The following WWOX variants were observed in gnomAD, a reference collection of about 807,000 sequenced individuals.
The protein encoded by WWOX is WW domain containing oxidoreductase.
WWOX carries 69 observed loss-of-function variants against 46.2 expected under a neutral mutation model. That is an observed-to-expected ratio of 1.49 (90% CI 1.23 to 1.82). The LOEUF (loss-of-function observed/expected upper bound fraction) is 1.82. Ranked by LOEUF, WWOX falls within the 40% of genes most tolerant of loss-of-function variation. WWOX has a pLI of 0.00. For missense variants in WWOX, 919 were observed against 542.6 expected (o/e 1.69, Z -6.89); for synonymous variants, 359 against 202.6 (o/e 1.77, Z -6.56).
At chr16:78,795,288 C>G (rs951485328) in intron 8 of WWOX, among the ~76,000 whole-genome samples, 6 of 152,140 alleles carry the variant, frequency 3.9e-5, no homozygotes, top group African/African-American at 1.2e-4. Context: ...ATAATTTACT[C>G]AGGATTTTAA....
intron 8 of WWOX, among the ~76,000 whole-genome samples, chr16:78,597,554 G>C (rs1449590549): frequency 1.3e-5 from 2 of 152,112 alleles, no homozygotes; most frequent in East Asian, 1.9e-4. Context: ...CCTGTTTTAA[G>C]AAAAGCTGAA....
At chr16:78,929,560 A>G (rs1451019581) in intron 8 of WWOX, among the ~76,000 whole-genome samples, 1 of 152,094 alleles carries the variant, frequency 6.6e-6, no homozygotes, top group Non-Finnish European at 1.5e-5. Flanking sequence ...ACCTTCAGTC[A>G]TTCTCCTCCC....
At chr16:78,975,147 A>C (rs1399284101) in intron 8 of WWOX, among the ~76,000 whole-genome samples, 5 of 152,208 alleles carry the variant, frequency 3.3e-5, no homozygotes, top group Non-Finnish European at 7.3e-5. Flanking sequence ...AGTCCTTAAA[A>C]AGTCAACATT....
chr16:78,328,888 G>A lies in WWOX; in HGVS notation c.517-57972G>A, dbSNP rs182207065. ...TCTTCTCTTCTTTTCTTTTCTAACA[G>A]TCTTGCTCTGTCTTCCAGGCTGGAG... On this transcript the variant is annotated intron_variant, in intron 5 of 8. Transcript: ENST00000566780. Among the ~76,000 whole-genome samples, 5 of 151,490 alleles carry A rather than the reference G, an allele frequency of 3.3e-5. No individual in the cohort carries two copies. In the East Asian group the frequency reaches 9.7e-4, roughly 29 times the overall value.
intron 6 of WWOX, among the ~76,000 whole-genome samples, chr16:78,420,318 A>G (rs1427608868): frequency 6.6e-6 from 1 of 152,212 alleles, no homozygotes. Flanking sequence ...TTACAAATGA[A>G]TGTACATAGT....
chr16:78,813,181 A>G (rs948629981), intron 8 of WWOX, among the ~76,000 whole-genome samples: 1 of 151,118 alleles, frequency 6.6e-6, no homozygotes, highest in East Asian at 1.9e-4. Context: ...TACCTTTAAT[A>G]TTGCTTCTGA....
At chr16:78,194,476 T>C (rs1470999583) in intron 5 of WWOX, among the ~76,000 whole-genome samples, 1 of 150,862 alleles carries the variant, frequency 6.6e-6, no homozygotes, top group African/African-American at 2.4e-5. Context: ...TATTCCCAGC[T>C]ACTCGGGATG....
At chr16:78,393,093 C>T (rs961528920) in intron 6 of WWOX, among the ~76,000 whole-genome samples, 1 of 152,130 alleles carries the variant, frequency 6.6e-6, no homozygotes, top group Non-Finnish European at 1.5e-5. Context: ...GTTTAAACTG[C>T]ATTCCTGGAG....
At chr16:78,113,433 G>A (rs1318961444) in intron 3 of WWOX, among the ~76,000 whole-genome samples, 1 of 152,246 alleles carries the variant, frequency 6.6e-6, no homozygotes, top group African/African-American at 2.4e-5. Context: ...CAATATACAA[G>A]TGATGGGCGT....
chr16:78,125,475 C>T (rs564218666), intron 4 of WWOX, among the ~76,000 whole-genome samples: 31 of 152,154 alleles, frequency 2.0e-4, no homozygotes, highest in Non-Finnish European at 2.9e-4. Flanking sequence ...CGTGAAGCCT[C>T]GCTCTGTGCC....
At chr16:78,424,097 C>CTTTT (rs1567564550) in intron 6 of WWOX, among the ~76,000 whole-genome samples, 1 of 122,980 alleles carries the variant, frequency 8.1e-6, no homozygotes. Flanking sequence ...TTTTTCTTTT[C>CTTTT]TTTTCTTTTC....
intron 8 of WWOX, among the ~76,000 whole-genome samples, chr16:78,443,591 T>G (rs2083493824): frequency 6.6e-6 from 1 of 152,208 alleles, no homozygotes; most frequent in Non-Finnish European, 1.5e-5. Context: ...CGCCTCGGCC[T>G]TTGTTCCTGA....
intron 8 of WWOX, among the ~76,000 whole-genome samples, chr16:79,099,302 A>G (rs1255495881): frequency 1.3e-5 from 2 of 152,198 alleles, no homozygotes; most frequent in African/African-American, 2.4e-5. Flanking sequence ...GGCAAACCAG[A>G]TCCAAACCAT....
rs543860985 is a variant in WWOX at position 78,765,988 on chromosome 16, G to C, written c.1056+333236G>C. Among the ~76,000 whole-genome samples the C allele has an allele frequency of 2.2e-4, 33 of 152,302 alleles. No homozygotes were observed. The South Asian group carries it at 6.6e-3, about 31-fold the overall frequency. ...TATAACAAAAGTATGACTAGATCCA[G>C]GAAATACAGCTGGAGAGACCCAAGT... On this transcript the variant is annotated intron_variant, in intron 8 of 8. Transcript: ENST00000566780.
intron 5 of WWOX, among the ~76,000 whole-genome samples, chr16:78,244,545 G>C (rs558990178): frequency 1.3e-5 from 2 of 152,264 alleles, no homozygotes; most frequent in East Asian, 3.9e-4. Context: ...TCTATTTTTA[G>C]TCACGTTGGC....
chr16:78,367,578 C>A (rs890146017), intron 5 of WWOX, among the ~76,000 whole-genome samples: 7 of 152,034 alleles, frequency 4.6e-5, no homozygotes, highest in Admixed American at 4.6e-4. Flanking sequence ...ATGGACAGAA[C>A]AACATTTTTG....
intron 8 of WWOX, among the ~76,000 whole-genome samples, chr16:78,730,779 A>C (rs1173984778): frequency 6.6e-6 from 1 of 151,926 alleles, no homozygotes; most frequent in African/African-American, 2.4e-5. Flanking sequence ...TAAATCTTTT[A>C]GGAAAAAAAA....
chr16:78,189,184 A>G (rs1451966091), intron 5 of WWOX, among the ~76,000 whole-genome samples: 1 of 152,176 alleles, frequency 6.6e-6, no homozygotes. Context: ...CAAGACTAGG[A>G]ATACCTAGAT....
At chr16:78,787,186 C>G (rs979944092) in intron 8 of WWOX, among the ~76,000 whole-genome samples, 1 of 152,048 alleles carries the variant, frequency 6.6e-6, no homozygotes, top group African/African-American at 2.4e-5. Context: ...AAAAAGTTCA[C>G]CACTTTGACC....
Sources: allele counts gnomAD v4.1 joint callset (sites outside exome capture counted in the v4.1 genomes callset), GRCh38; gene constraint gnomAD v4.1.1; transcripts MANE v1.5; gene names NCBI Gene and HGNC (gene_info 2026-07-23, HGNC 2026-07-21).